USP36: variants seen among roughly 807,000 people sequenced by gnomAD.
The protein encoded by USP36 is ubiquitin carboxyl-terminal hydrolase 36.
A neutral mutation model predicts 111.5 loss-of-function variants in USP36; 59 were observed. The ratio of observed to expected loss-of-function variants is 0.53; its 90% CI spans 0.43 to 0.66. The LOEUF is 0.66. Among genes scored for constraint, USP36 ranks in the 30% least tolerant of loss-of-function variants. USP36 has a pLI of 0.00. For missense variants in USP36, 1,488 were observed against 1,468.0 expected (o/e 1.01, Z -0.22); for synonymous variants, 628 against 581.0 (o/e 1.08, Z -1.16).
At chr17:78,833,832 C>T (rs1421946081) in intron 4 of USP36, among the ~76,000 whole-genome samples, 4 of 121,466 alleles carry the variant, frequency 3.3e-5, no homozygotes, top group African/African-American at 4.9e-5. Flanking sequence ...TTTTCTTTCT[C>T]GCATTTTCCT....
At chr17:78,791,896 C>T (rs778009516), downstream of USP36, 2 of 152,240 alleles carry the variant, frequency 1.3e-5, no homozygotes, top group African/African-American at 4.8e-5. Context: ...GGATCCTATA[C>T]TGAGGGGGCA....
rs200128836 is a variant in USP36, at chr17:78,802,354, C to T, written c.2992G>A (p.Ala998Thr). Reference protein sequence around the residue: ...VPESSSCAPSANGWCPGDRMG... With the variant: ...VPESSSCAPSTNGWCPGDRMG... ...CGGTCCCCAGGACACCAGCCATTCG[C>T]GGATGGTGCGCAGCTGCTGGACTCG... Residue 998 changes from alanine (A) to threonine (T), a missense_variant, in exon 17 of 21, where the codon GCG becomes ACG. This residue lies in a region of USP36 where 1,073 missense variants were observed against 994.1 expected (regional missense o/e 1.08). Transcript: ENST00000449938. 4.5e-5 allele frequency: 72 copies of T among 1,596,880 alleles called. 1 individual carries two copies. In the East Asian group the frequency reaches 1.3e-3, roughly 30 times the overall value.
At chr17:78,816,088 A>T (rs1336596685) in intron 10 of USP36, among the ~76,000 whole-genome samples, 1 of 152,112 alleles carries the variant, frequency 6.6e-6, no homozygotes, top group Non-Finnish European at 1.5e-5. Context: ...CAGAGCCCAC[A>T]TGACAGGATT....
chr17:78,806,357 A>C, intron 14 of USP36, 71 bp from the exon 15 acceptor site: 3 of 1,582,190 alleles, frequency 1.9e-6, no homozygotes, highest in Non-Finnish European at 1.7e-6. Flanking sequence ...GGGAAAACAA[A>C]AGTAACAAAA....
chr17:78,808,121 C>A (rs1333472813), intron 13 of USP36, among the ~76,000 whole-genome samples: 1 of 152,216 alleles, frequency 6.6e-6, no homozygotes. Context: ...CTAAACATAA[C>A]CATGCATTAA....
upstream of USP36, chr17:78,841,064 G>T (rs1446236582): frequency 6.6e-6 from 1 of 152,228 alleles, no homozygotes; most frequent in East Asian, 1.9e-4. Flanking sequence ...TGCCGCGGCA[G>T]GGTGACGTCT....
intron 6 of USP36, chr17:78,823,267 T>C (rs1252080849): frequency 2.5e-6 from 1 of 398,504 alleles, no homozygotes; most frequent in East Asian, 3.6e-5. Context: ...CTGCAAATAC[T>C]AGCAAGGACG....
intron 4 of USP36, 46 bp downstream of exon 4, chr17:78,835,234 A>T: frequency 6.3e-7 from 1 of 1,588,066 alleles, no homozygotes; most frequent in Non-Finnish European, 8.6e-7. Flanking sequence ...GGCTTATCTA[A>T]TCCAGAGGAC....
At chr17:78,790,984 T>G (rs192461394), downstream of USP36, among the ~76,000 whole-genome samples, 17 of 152,284 alleles carry the variant, frequency 1.1e-4, no homozygotes, top group African/African-American at 4.1e-4. Flanking sequence ...AAAACACGCA[T>G]GCAAGACATG....
At chr17:78,802,140 G>A (rs1223192174) in intron 17 of USP36, among the ~76,000 whole-genome samples, 184 bp downstream of exon 17, 5 of 21,332 alleles carry the variant, frequency 2.3e-4, no homozygotes, top group Non-Finnish European at 4.5e-4. Flanking sequence ...CCAACCCCTC[G>A]CCTGGTGCAC....
intron 10 of USP36, among the ~76,000 whole-genome samples, chr17:78,817,413 C>A (rs1159222200): frequency 6.6e-6 from 1 of 152,210 alleles, no homozygotes; most frequent in African/African-American, 2.4e-5. Flanking sequence ...GGGTGTCATT[C>A]CAAACCACAT....
At position 78,808,698 on chromosome 17, in the gene USP36, A is replaced by G. The variant is rs186242377; in HGVS notation, c.1408-1062T>C. Among the ~76,000 whole-genome samples the G allele has an allele frequency of 9.2e-5, 14 of 152,310 alleles. 1 individual carries two copies. The highest frequency in any genetic ancestry group is 9.2e-4 in the Admixed American group (14 of 15,292). ...TATGTGTGTGTATCCTTTACCCTTCAGAGCACTTATTACAACTGCATAGAA... is the reference window on the plus strand; with the variant it reads ...TATGTGTGTGTATCCTTTACCCTTCGGAGCACTTATTACAACTGCATAGAA... On this transcript the variant is annotated intron_variant, in intron 13 of 20. Coordinates refer to ENST00000449938, the MANE Select transcript of USP36 (RefSeq NM_001385174.1).
chr17:78,813,708 G>A, intron 12 of USP36, 65 bp downstream of exon 12: 1 of 1,452,820 alleles, frequency 6.9e-7, no homozygotes, highest in Non-Finnish European at 9.6e-7. Flanking sequence ...AGGTTAGGGA[G>A]GCCCACCGGT....
intron 17 of USP36, among the ~76,000 whole-genome samples, chr17:78,800,469 C>G (rs1357124319): frequency 1.3e-5 from 2 of 152,226 alleles, no homozygotes; most frequent in Non-Finnish European, 2.9e-5. Context: ...CGTCCTCTGC[C>G]CAGCTAGCCA....
chr17:78,834,691 C>T (rs1225716288), intron 4 of USP36, among the ~76,000 whole-genome samples: 2 of 152,150 alleles, frequency 1.3e-5, no homozygotes, highest in South Asian at 2.1e-4. Flanking sequence ...GATCTGCCCA[C>T]CTCTGCCTCC....
chr17:78,834,139 T>G (rs1157602210), intron 4 of USP36, among the ~76,000 whole-genome samples: 1 of 151,656 alleles, frequency 6.6e-6, no homozygotes, highest in Non-Finnish European at 1.5e-5. Context: ...CCCAGCTATT[T>G]GGGAGGCTGA....
At chr17:78,811,212 G>A (rs1174918109) in intron 13 of USP36, among the ~76,000 whole-genome samples, 2 of 150,604 alleles carry the variant, frequency 1.3e-5, no homozygotes, top group Admixed American at 6.6e-5. Flanking sequence ...TTCTAATGAG[G>A]AAACTGCTCA....
intron 10 of USP36, 23 bp from the exon 11 acceptor site, chr17:78,814,575 G>C (rs768897457): frequency 1.2e-6 from 2 of 1,605,006 alleles, no homozygotes; most frequent in East Asian, 4.5e-5. Context: ...TCAAGGAAAA[G>C]ACAAATAAAA....
chr17:78,789,102 CAGA>C (rs2144820048), intron 3 of USP36, among the ~76,000 whole-genome samples: 1 of 145,192 alleles, frequency 6.9e-6, no homozygotes, highest in East Asian at 2.0e-4. Context: ...GAGGCTGAGG[CAGA>C]AGAATCACTT....
Sources: gnomAD v4.1 joint callset for allele counts (sites outside exome capture counted in the v4.1 genomes callset) on GRCh38, gnomAD v4.1.1 for gene constraint, gnomAD v4.1.1 regional missense constraint, MANE v1.5 for transcripts, NCBI Gene and HGNC (gene_info 2026-07-23, HGNC 2026-07-21) for gene names.